TMTC2: variants seen among roughly 807,000 people sequenced by gnomAD.
The protein encoded by TMTC2 is transmembrane O-mannosyltransferase targeting cadherins 2, also known as protein O-mannosyl-transferase TMTC2.
Under a neutral mutation model 82.4 loss-of-function variants are expected in TMTC2, and 43 were observed. The ratio of observed to expected loss-of-function variants is 0.52; its 90% CI spans 0.41 to 0.67. The LOEUF (loss-of-function observed/expected upper bound fraction) is 0.67, where lower values mean the gene tolerates loss of function less well. Ranked by LOEUF, TMTC2 falls within the 30% of genes least tolerant of loss-of-function variation. TMTC2 has a pLI of 0.00. For missense variants in TMTC2, 919 were observed against 1,012.4 expected (o/e 0.91, Z 1.25); for synonymous variants, 408 against 381.9 (o/e 1.07, Z -0.80).
intron 8 of TMTC2, among the ~76,000 whole-genome samples, chr12:83,008,920 C>G (rs1565850659): frequency 6.6e-6 from 1 of 152,130 alleles, no homozygotes; most frequent in Non-Finnish European, 1.5e-5. Flanking sequence ...TCTTGAGACT[C>G]TTTCACTTGT....
chr12:82,924,788 A>C (rs1415576010), intron 3 of TMTC2, among the ~76,000 whole-genome samples: 2 of 152,164 alleles, frequency 1.3e-5, no homozygotes, highest in Non-Finnish European at 2.9e-5. Context: ...GTTCGCTTGC[A>C]GTGAGTACCT....
intron 10 of TMTC2, among the ~76,000 whole-genome samples, chr12:83,061,002 G>A (rs1882719923): frequency 6.6e-6 from 1 of 151,792 alleles, no homozygotes; most frequent in South Asian, 2.1e-4. Context: ...CTGTAAGCTG[G>A]AAGGCTTAAA....
intron 1 of TMTC2, among the ~76,000 whole-genome samples, chr12:82,750,080 A>G (rs1875903445): frequency 6.6e-6 from 1 of 152,010 alleles, no homozygotes; most frequent in African/African-American, 2.4e-5. Flanking sequence ...GATGGAAGAG[A>G]AGGGTTCTCA....
intron 10 of TMTC2, among the ~76,000 whole-genome samples, chr12:83,054,675 A>T (rs1882472112): frequency 6.6e-6 from 1 of 150,988 alleles, no homozygotes; most frequent in Non-Finnish European, 1.5e-5. Context: ...CATACTGTAT[A>T]TTTGTGCATG....
intron 1 of TMTC2, among the ~76,000 whole-genome samples, chr12:82,763,767 T>A (rs568344398): frequency 4.9e-4 from 74 of 152,240 alleles, no homozygotes; most frequent in African/African-American, 1.8e-3. Flanking sequence ...AAGTACCTTT[T>A]AAAGAGAACC....
intron 1 of TMTC2, among the ~76,000 whole-genome samples, chr12:82,735,431 C>A (rs548527364): frequency 6.6e-6 from 1 of 151,416 alleles, no homozygotes; most frequent in South Asian, 2.1e-4. Context: ...CTGCAAGCTC[C>A]GCCTCCCAGG....
At chr12:83,106,156 T>A (rs75816686) in intron 11 of TMTC2, among the ~76,000 whole-genome samples, 8,330 of 152,038 alleles carry the variant, frequency 0.055, 329 homozygotes, top group East Asian at 0.22. Flanking sequence ...AAAGAGAAGT[T>A]AAGGAAACAA....
At chr12:83,071,279 T>C (rs7959446) in intron 11 of TMTC2, among the ~76,000 whole-genome samples, 71,428 of 151,514 alleles carry the variant, frequency 0.47, 17,126 homozygotes, top group African/African-American at 0.56. Flanking sequence ...CTCAGCCTCC[T>C]GAGTAGCTGG....
intron 1 of TMTC2, among the ~76,000 whole-genome samples, chr12:82,825,249 A>G (rs942745410): frequency 6.6e-6 from 1 of 152,208 alleles, no homozygotes; most frequent in Non-Finnish European, 1.5e-5. Flanking sequence ...TTGAAAAAAC[A>G]TTTTTTGAAC....
chr12:82,925,369 T>G (rs188996594), intron 3 of TMTC2, among the ~76,000 whole-genome samples: 2 of 152,314 alleles, frequency 1.3e-5, no homozygotes, highest in East Asian at 1.9e-4. Flanking sequence ...GCTTAACAAA[T>G]ATCTAATAAA....
At chr12:83,036,805 A>T (rs1461546406) in intron 9 of TMTC2, among the ~76,000 whole-genome samples, 7 of 152,112 alleles carry the variant, frequency 4.6e-5, no homozygotes. Flanking sequence ...ATTCAAGGGC[A>T]TTGCCTTTGC....
chr12:82,785,812 C>A (rs1878152178), intron 1 of TMTC2, among the ~76,000 whole-genome samples: 1 of 152,078 alleles, frequency 6.6e-6, no homozygotes, highest in African/African-American at 2.4e-5. Flanking sequence ...CAGAGATTAT[C>A]CTTGTCCATT....
chr12:82,720,372 ATGT>A (rs1364691488), intron 1 of TMTC2, among the ~76,000 whole-genome samples: 1 of 152,206 alleles, frequency 6.6e-6, no homozygotes, highest in Non-Finnish European at 1.5e-5. Context: ...AAGGTTTATC[ATGT>A]TGTAGCATGC....
At chr12:83,059,705 G>A (rs975628479) in intron 10 of TMTC2, among the ~76,000 whole-genome samples, 1 of 151,660 alleles carries the variant, frequency 6.6e-6, no homozygotes, top group Non-Finnish European at 1.5e-5. Context: ...ATTTTGGGGG[G>A]CAGTAAAACC....
At chr12:83,085,131 C>T (rs1234850284) in intron 11 of TMTC2, among the ~76,000 whole-genome samples, 1 of 152,106 alleles carries the variant, frequency 6.6e-6, no homozygotes, top group Admixed American at 6.5e-5. Context: ...TATTTTAATC[C>T]TCTCTGCAAT....
intron 11 of TMTC2, among the ~76,000 whole-genome samples, chr12:83,082,902 G>A (rs1436232355): frequency 2.0e-5 from 3 of 152,162 alleles, no homozygotes; most frequent in Non-Finnish European, 4.4e-5. Context: ...GTGGAATTAT[G>A]TCATATTCAC....
intron 3 of TMTC2, among the ~76,000 whole-genome samples, chr12:82,897,391 A>G (rs1230600541): frequency 6.6e-6 from 1 of 152,222 alleles, no homozygotes; most frequent in East Asian, 1.9e-4. Flanking sequence ...GTCAAAAGCT[A>G]TGACAATGGA....
chr12:82,897,038 C>T (rs1215267712), intron 3 of TMTC2, among the ~76,000 whole-genome samples: 1 of 152,136 alleles, frequency 6.6e-6, no homozygotes, highest in African/African-American at 2.4e-5. Context: ...TTCAGCTCTT[C>T]TATTTTCCAA....
At chr12:83,004,289 A>G (rs186841407) in intron 8 of TMTC2, among the ~76,000 whole-genome samples, 2 of 152,256 alleles carry the variant, frequency 1.3e-5, no homozygotes, top group Admixed American at 1.3e-4. Context: ...ATTTTACTGG[A>G]TTCCCTGGAT....
Sources: allele counts gnomAD v4.1 joint callset (sites outside exome capture counted in the v4.1 genomes callset), GRCh38; gene constraint gnomAD v4.1.1; transcripts MANE v1.5; gene names NCBI Gene and HGNC (gene_info 2026-07-23, HGNC 2026-07-21).